The following EPB41L2 variants were observed in gnomAD, a reference collection of about 807,000 sequenced individuals.
EPB41L2 encodes the protein band 4.1-like protein 2.
A neutral mutation model predicts 113.0 loss-of-function variants in EPB41L2; 43 were observed. The observed-to-expected ratio is 0.38, with a 90% CI of 0.30 to 0.49. EPB41L2 has a LOEUF of 0.49. Ranked by LOEUF, EPB41L2 falls within the 20% of genes least tolerant of loss-of-function variation. The probability of loss-of-function intolerance (pLI) is 0.95; values close to 1 mark genes in which losing one functional copy is unlikely to be tolerated. For missense variants in EPB41L2, 1,147 were observed against 1,223.4 expected (o/e 0.94, Z 0.93); for synonymous variants, 442 against 436.7 (o/e 1.01, Z -0.15).
In EPB41L2 at chr6:131,045,425, G is replaced by C. The variant is rs9492789; in HGVS notation, c.-15+17730C>G. ...TAAGTCACTGAAATGCAGAACTCAA[G>C]AGAAAGACTTAGCCTGGAGAGAGAT... On this transcript the variant is annotated intron_variant, in intron 1 of 19. Coordinates refer to ENST00000337057, the MANE Select transcript of EPB41L2 (RefSeq NM_001431.4). Among the ~76,000 whole-genome samples the C allele has an allele frequency of 8.6e-3, 1,147 of 133,254 alleles. 10 individuals carry two copies. The highest frequency in any genetic ancestry group is 0.026 in the African/African-American group (1,002 of 39,280). 87.4% of individuals were successfully genotyped at this position (133,254 alleles called of 152,430 possible).
chr6:130,959,635 C>A (rs780812259), intron 1 of EPB41L2, among the ~76,000 whole-genome samples: 1 of 152,224 alleles, frequency 6.6e-6, no homozygotes, highest in African/African-American at 2.4e-5. Flanking sequence ...GACCCGAGGA[C>A]AGGTAAACTG....
At chr6:131,057,789 G>T (rs944402852) in intron 1 of EPB41L2, among the ~76,000 whole-genome samples, 1 of 152,140 alleles carries the variant, frequency 6.6e-6, no homozygotes, top group Non-Finnish European at 1.5e-5. Flanking sequence ...AGAGGAAACT[G>T]GTCTCTTCAG....
Position 130,870,132 on chromosome 6 carries a change from CA to C in EPB41L2, c.2044-7del. On this transcript the variant is annotated splice_polypyrimidine_tract_variant and splice_region_variant and intron_variant, in intron 14 of 19. Transcript: ENST00000337057. Reference sequence around the variant, plus strand: ...TTCAGAGTCTCATGTGAACTCTGTACAAAAAAAGATGGATGAGGGAAAACAA... The same window carrying C: ...TTCAGAGTCTCATGTGAACTCTGTACAAAAAAGATGGATGAGGGAAAACAA... 6.3e-7 allele frequency: 1 copy of C among 1,582,588 alleles called. No homozygotes were observed. The highest frequency in any genetic ancestry group is 1.2e-5 in the South Asian group (1 of 86,322).
At chr6:130,860,050 G>C (rs1376074572) in intron 18 of EPB41L2, among the ~76,000 whole-genome samples, 1 of 152,190 alleles carries the variant, frequency 6.6e-6, no homozygotes, top group Non-Finnish European at 1.5e-5. Flanking sequence ...GAATAGGAAA[G>C]GGAGAGGAGG....
intron 19 of EPB41L2, among the ~76,000 whole-genome samples, chr6:130,850,474 A>T (rs1778461880): frequency 6.6e-6 from 1 of 152,196 alleles, no homozygotes. Flanking sequence ...GGTAACGACA[A>T]GGACCAATAA....
chr6:131,031,085 C>G (rs1020309911), intron 1 of EPB41L2, among the ~76,000 whole-genome samples: 1 of 151,324 alleles, frequency 6.6e-6, no homozygotes, highest in Non-Finnish European at 1.5e-5. Flanking sequence ...GAGGGAGAGC[C>G]TGTCTAAAAA....
chr6:131,017,648 G>A lies in EPB41L2; in HGVS notation c.-15+45507C>T, dbSNP rs75880957. ...CTATTATCAATGTGTCAATAAGCAT[G>A]CCTTCTGAGTTTCCCTTCACCTACA... is the stretch of plus-strand genomic sequence containing the variant. On this transcript the variant is annotated intron_variant, in intron 1 of 19. Transcript: ENST00000337057. Among the ~76,000 whole-genome samples the A allele has an allele frequency of 2.9e-3, 441 of 152,272 alleles. 2 individuals are homozygous for A. Among genetic ancestry groups the A allele is most frequent in the African/African-American group, 8.4e-3 (351 of 41,546 alleles).
intron 1 of EPB41L2, among the ~76,000 whole-genome samples, chr6:131,023,620 G>A (rs1790031709): frequency 1.3e-5 from 2 of 151,956 alleles, no homozygotes; most frequent in Admixed American, 1.3e-4. Context: ...AGGAGGCAGA[G>A]GTTGCAGTGA....
At chr6:130,954,538 T>C (rs998316580) in intron 3 of EPB41L2, among the ~76,000 whole-genome samples, 6 of 152,196 alleles carry the variant, frequency 3.9e-5, no homozygotes, top group Admixed American at 2.0e-4. Context: ...CATTAGCTAT[T>C]AGTATACGTT....
chr6:130,932,670 A>G (rs551912830), intron 3 of EPB41L2, among the ~76,000 whole-genome samples: 2 of 152,096 alleles, frequency 1.3e-5, no homozygotes, highest in South Asian at 2.1e-4. Flanking sequence ...ATTCACATCT[A>G]TGGCACTTAT....
intron 3 of EPB41L2, among the ~76,000 whole-genome samples, chr6:130,928,488 G>A (rs1452086860): frequency 1.3e-5 from 2 of 152,174 alleles, no homozygotes; most frequent in African/African-American, 4.8e-5. Flanking sequence ...AGGGTAAAAA[G>A]GATATTTAAG....
At chr6:130,964,200 T>G (rs1014912495) in intron 1 of EPB41L2, among the ~76,000 whole-genome samples, 9 of 152,092 alleles carry the variant, frequency 5.9e-5, no homozygotes, top group Non-Finnish European at 1.2e-4. Context: ...TTTTGTATTT[T>G]TAGTAGAGAT....
intron 1 of EPB41L2, among the ~76,000 whole-genome samples, chr6:131,025,370 CT>C (rs750737719): frequency 6.6e-6 from 1 of 152,060 alleles, no homozygotes; most frequent in Non-Finnish European, 1.5e-5. Context: ...GAATTGTTGC[CT>C]TTTTTATAGA....
intron 3 of EPB41L2, among the ~76,000 whole-genome samples, chr6:130,951,335 TTTTTTTGA>T (rs1814980550): frequency 7.4e-6 from 1 of 135,520 alleles, no homozygotes; most frequent in Non-Finnish European, 1.6e-5. Context: ...TTTTTTTTTT[TTTTTTTGA>T]GACAAAAGTC....
At chr6:131,052,751 A>C (rs1355533931) in intron 1 of EPB41L2, among the ~76,000 whole-genome samples, 1 of 152,176 alleles carries the variant, frequency 6.6e-6, no homozygotes, top group African/African-American at 2.4e-5. Flanking sequence ...CAGGTATTAC[A>C]TTTAAAATGT....
At chr6:130,980,344 G>C (rs1310074884) in intron 1 of EPB41L2, among the ~76,000 whole-genome samples, 1 of 152,094 alleles carries the variant, frequency 6.6e-6, no homozygotes, top group Admixed American at 6.5e-5. Context: ...CTTTCGGTGG[G>C]AGAGATAGAG....
At chr6:130,894,286 G>T in intron 10 of EPB41L2, 58 bp downstream of exon 10, 1 of 1,404,384 alleles carries the variant, frequency 7.1e-7, no homozygotes. Flanking sequence ...TCCTGAGTCA[G>T]TGGAATTACA....
chr6:131,026,245 G>A (rs532356208), intron 1 of EPB41L2, among the ~76,000 whole-genome samples: 1 of 152,258 alleles, frequency 6.6e-6, no homozygotes, highest in African/African-American at 2.4e-5. Flanking sequence ...AAATAACAAG[G>A]AATTGCTCAT....
Position 130,867,495 on chromosome 6 carries a change from T to G in EPB41L2, c.2694A>C (p.Gln898His), listed in dbSNP as rs904301925. 3.7e-6 allele frequency: 6 copies of G among 1,613,904 alleles called. No individual in the cohort carries two copies. Among genetic ancestry groups the G allele is most frequent in the Non-Finnish European group, 5.1e-6 (6 of 1,179,910 alleles). Reference protein sequence around the residue: ...EISTKEVPIVQTETKTITYES... With the variant: ...EISTKEVPIVHTETKTITYES... Reference sequence around the variant, plus strand: ...CATATGTGATGGTTTTGGTCTCAGTTTGGACAATGGGGACTTCCTTGGTGG... The same window carrying G: ...CATATGTGATGGTTTTGGTCTCAGTGTGGACAATGGGGACTTCCTTGGTGG... The change falls in exon 16 of 20, where the codon CAA (glutamine) becomes CAC (histidine). Residue 898 changes from glutamine to histidine, a missense_variant. Transcript: ENST00000337057.
Sources: allele counts gnomAD v4.1 joint callset (sites outside exome capture counted in the v4.1 genomes callset), GRCh38; gene constraint gnomAD v4.1.1; transcripts MANE v1.5; gene names NCBI Gene and HGNC (gene_info 2026-07-23, HGNC 2026-07-21).